MRPS28: variants seen among roughly 807,000 people sequenced by gnomAD.
The protein encoded by MRPS28 is mitochondrial ribosomal protein S28.
A neutral mutation model predicts 10.8 loss-of-function variants in MRPS28; 7 were observed. The ratio of observed to expected loss-of-function variants is 0.65; its 90% CI spans 0.37 to 1.22. The LOEUF (loss-of-function observed/expected upper bound fraction) is 1.22. MRPS28 is among the 50% of genes most tolerant of loss of function. MRPS28 has a pLI of 0.02. For synonymous variants in MRPS28, 121 were observed against 93.3 expected (o/e 1.30, Z -1.71); for missense variants, 265 against 232.9 (o/e 1.14, Z -0.90).
chr8:80,007,927 A>G (rs1808904596), intron 1 of MRPS28, among the ~76,000 whole-genome samples: 4 of 152,146 alleles, frequency 2.6e-5, no homozygotes, highest in Admixed American at 1.3e-4. Flanking sequence ...AACTACTTTC[A>G]AGTTCATATG....
intron 2 of MRPS28, among the ~76,000 whole-genome samples, chr8:79,976,632 G>T (rs564921153): frequency 6.6e-6 from 1 of 152,098 alleles, no homozygotes; most frequent in Non-Finnish European, 1.5e-5. Context: ...CTTCAACCAG[G>T]GAGGTGATGG....
rs2129823274 is a variant in MRPS28, at chr8:79,919,094, CG to C, written c.449del (p.Thr150SerfsTer14). On this transcript the variant is annotated frameshift_variant, in exon 3 of 3. Transcript: ENST00000276585. LOFTEE classifies it high-confidence loss of function. Reference protein sequence around the residue: ...VRLRLLDLELTSRFLGATTDT... With the variant: ...VRLRLLDLELXSRFLGATTDT... Reference sequence around the variant, plus strand: ...CTGTTGTTGCTCCCAGGAACCTAGACGTAAGTTCAAGATCTAATAGCCGCAA... The same window carrying C: ...CTGTTGTTGCTCCCAGGAACCTAGACTAAGTTCAAGATCTAATAGCCGCAA... 6.2e-7 allele frequency: 1 copy of C among 1,609,862 alleles called. No individual in the cohort carries two copies. The highest frequency in any genetic ancestry group is 8.5e-7 in the Non-Finnish European group (1 of 1,178,192).
rs757697157 is a variant in MRPS28, at chr8:79,919,042, C to T, written c.502G>A (p.Val168Ile). Residue 168 changes from valine to isoleucine, a missense_variant, in exon 3 of 3, where the codon GTT becomes ATT. Coordinates refer to ENST00000276585, the MANE Select transcript of MRPS28 (RefSeq NM_014018.3). The stretch of plus-strand genomic sequence containing the variant: ...TTACTCTCCTGGATTCCCAAGAGAA[C>T]TGCATTAGCCTCTAGTACAGTTGTA... ...TDTTVLEANA[V>I]LLGIQESKDS... 5.0e-6 allele frequency: 8 copies of T among 1,601,944 alleles called. No homozygotes were observed. The highest frequency in any genetic ancestry group is 5.1e-6 in the Non-Finnish European group (6 of 1,175,260).
intron 2 of MRPS28, among the ~76,000 whole-genome samples, chr8:79,941,401 C>T (rs541134393): frequency 1.5e-4 from 23 of 152,038 alleles, no homozygotes; most frequent in African/African-American, 3.4e-4. Flanking sequence ...CTATTATTCT[C>T]GATACTCTCT....
intron 2 of MRPS28, among the ~76,000 whole-genome samples, chr8:79,925,997 G>GAAAAAAAAAAAA (rs1158532607): frequency 5.0e-5 from 4 of 79,562 alleles, no homozygotes; most frequent in Non-Finnish European, 8.4e-5. Flanking sequence ...GAAAAGAAAA[G>GAAAAAAAAAAAA]AAAAAAAAAA....
chr8:80,009,843 C>A (rs913205226), intron 1 of MRPS28, among the ~76,000 whole-genome samples: 3 of 151,962 alleles, frequency 2.0e-5, no homozygotes, highest in African/African-American at 7.3e-5. Context: ...CACTGACCAT[C>A]TGTAAAAAAA....
intron 2 of MRPS28, among the ~76,000 whole-genome samples, chr8:79,939,988 A>AG (rs1158472288): frequency 6.6e-6 from 1 of 151,412 alleles, no homozygotes; most frequent in African/African-American, 2.4e-5. Context: ...AAAAAAAAAA[A>AG]AAAGAAATAT....
At chr8:79,995,380 G>A (rs970654194) in intron 2 of MRPS28, among the ~76,000 whole-genome samples, 6 of 152,180 alleles carry the variant, frequency 3.9e-5, no homozygotes, top group Non-Finnish European at 8.8e-5. Flanking sequence ...CTTAACAAGA[G>A]TTTTAAGAAA....
At chr8:79,923,797 T>G (rs1416109872) in intron 2 of MRPS28, among the ~76,000 whole-genome samples, 1 of 152,176 alleles carries the variant, frequency 6.6e-6, no homozygotes, top group Non-Finnish European at 1.5e-5. Flanking sequence ...TCTCTTCCAC[T>G]GTGCACTTTC....
intron 2 of MRPS28, among the ~76,000 whole-genome samples, chr8:79,941,997 G>T (rs1296126505): frequency 6.6e-6 from 1 of 152,100 alleles, no homozygotes; most frequent in Non-Finnish European, 1.5e-5. Context: ...GTAGTCAGAT[G>T]GTAAGGGAAT....
intron 2 of MRPS28, among the ~76,000 whole-genome samples, chr8:79,943,177 C>T (rs1806814287): frequency 6.6e-6 from 1 of 152,200 alleles, no homozygotes; most frequent in Admixed American, 6.5e-5. Flanking sequence ...AGACAGCTGC[C>T]TTGCCTGTCC....
intron 2 of MRPS28, among the ~76,000 whole-genome samples, chr8:79,995,525 T>C (rs926422095): frequency 3.3e-5 from 5 of 152,172 alleles, no homozygotes; most frequent in Admixed American, 1.3e-4. Flanking sequence ...TAAATGCTCA[T>C]GTCCAAAACA....
intron 2 of MRPS28, 59 bp from the exon 3 acceptor site, chr8:79,919,207 G>A: frequency 7.6e-7 from 1 of 1,309,026 alleles, no homozygotes. Flanking sequence ...TGAACAACTA[G>A]TTTAATAACA....
chr8:80,014,646 G>A (rs963521693), intron 1 of MRPS28, among the ~76,000 whole-genome samples: 9 of 152,190 alleles, frequency 5.9e-5, no homozygotes, highest in African/African-American at 2.2e-4. Context: ...CAAGATTGTT[G>A]TAAGGAATAA....
intron 2 of MRPS28, among the ~76,000 whole-genome samples, chr8:79,998,691 A>G (rs910919928): frequency 6.6e-6 from 1 of 152,206 alleles, no homozygotes; most frequent in Admixed American, 6.5e-5. Context: ...TTTATCCCCA[A>G]TAAGCAATAT....
intron 2 of MRPS28, among the ~76,000 whole-genome samples, chr8:79,994,523 T>C (rs1242703410): frequency 6.6e-6 from 1 of 152,124 alleles, no homozygotes; most frequent in Non-Finnish European, 1.5e-5. Flanking sequence ...CAACCACAAC[T>C]ATTCAGTCAC....
chr8:79,977,900 C>T (rs1267310608), intron 2 of MRPS28, among the ~76,000 whole-genome samples: 2 of 151,668 alleles, frequency 1.3e-5, no homozygotes, highest in Non-Finnish European at 2.9e-5. Context: ...TGTAAAAACA[C>T]CATATTTTAT....
At chr8:79,943,179 T>C (rs1806814430) in intron 2 of MRPS28, among the ~76,000 whole-genome samples, 1 of 152,230 alleles carries the variant, frequency 6.6e-6, no homozygotes, top group Non-Finnish European at 1.5e-5. Context: ...ACAGCTGCCT[T>C]GCCTGTCCTT....
At chr8:79,956,672 CTTCT>C (rs1303729452) in intron 2 of MRPS28, 5 of 152,070 alleles carry the variant, frequency 3.3e-5, no homozygotes, top group Admixed American at 6.6e-5. Flanking sequence ...CTGTTGTTTC[CTTCT>C]TTGTGTTAAT....
Sources: allele counts gnomAD v4.1 joint callset (sites outside exome capture counted in the v4.1 genomes callset), GRCh38; gene constraint gnomAD v4.1.1; transcripts MANE v1.5; gene names NCBI Gene and HGNC (gene_info 2026-07-23, HGNC 2026-07-21).